The following RNF157 variants were observed in gnomAD, a reference collection of about 807,000 sequenced individuals.
RNF157 encodes E3 ubiquitin ligase RNF157.
Under a neutral mutation model 88.3 loss-of-function variants are expected in RNF157, and 55 were observed. That is an observed-to-expected ratio of 0.62 (90% confidence interval 0.50 to 0.78). The LOEUF (loss-of-function observed/expected upper bound fraction) is 0.78, where lower values mean the gene tolerates loss of function less well. RNF157 is among the 30% of genes least tolerant of loss of function. The probability of loss-of-function intolerance (pLI) is 0.00; values close to 1 mark genes in which losing one functional copy is unlikely to be tolerated. For synonymous variants in RNF157, 334 were observed against 341.2 expected (o/e 0.98, Z 0.23); for missense variants, 788 against 860.8 (o/e 0.92, Z 1.06).
intron 2 of RNF157, among the ~76,000 whole-genome samples, chr17:76,187,648 C>T (rs952556837): frequency 1.6e-4 from 24 of 151,950 alleles, no homozygotes; most frequent in African/African-American, 5.3e-4. Context: ...GGCTGGAGTG[C>T]AGTGTGGCAA....
chr17:76,167,409 G>A (rs2278824), intron 4 of RNF157, among the ~76,000 whole-genome samples: 48,937 of 152,014 alleles, frequency 0.32, 9,508 homozygotes, highest in African/African-American at 0.55. Flanking sequence ...CAATTTGAAG[G>A]GAAAAGGTAA....
chr17:76,194,048 A>T (rs1460580059), intron 2 of RNF157, among the ~76,000 whole-genome samples: 1 of 152,164 alleles, frequency 6.6e-6, no homozygotes, highest in Non-Finnish European at 1.5e-5. Flanking sequence ...TCCAAGGCAC[A>T]TTCTGTTTTT....
chr17:76,146,330 G>A lies in RNF157; in HGVS notation c.1922-977C>T, dbSNP rs923964424. ...CTGTGAGGACTAGATGAGAGAATGC[G>A]AGCGTTGGTGAGTATCTGACTCCTA... On this transcript the variant is annotated intron_variant, in intron 18 of 18. Transcript: ENST00000269391. This position sits in a 1 kb window ranked among gnomAD's most constrained non-coding sequence, Gnocchi z 4.2. 66 of 985,004 alleles carry A rather than the reference G, an allele frequency of 6.7e-5. No homozygotes were observed. Among genetic ancestry groups the A allele is most frequent in the Non-Finnish European group, 7.6e-5 (63 of 829,682 alleles). 61.0% of individuals were successfully genotyped at this position (985,004 alleles called of 1,614,324 possible).
At position 76,218,074 on chromosome 17, in the gene RNF157, G is replaced by GT. The variant is rs143860846; in HGVS notation, c.89-5593dup. On this transcript the variant is annotated intron_variant, in intron 1 of 18. Transcript: ENST00000269391. ...ACTATGATTAAATTTAACGTTATGT[G>GT]TTTTTTTGCCACAATAATAAACACA... 7.8e-3 allele frequency among the ~76,000 whole-genome samples: 1,183 copies of GT among 152,020 alleles called. 16 individuals carry two copies. Among genetic ancestry groups the GT allele is most frequent in the African/African-American group, 0.027 (1,119 of 41,474 alleles).
intron 2 of RNF157, among the ~76,000 whole-genome samples, chr17:76,177,961 C>T (rs528156177): frequency 8.5e-5 from 13 of 152,306 alleles, no homozygotes; most frequent in South Asian, 2.1e-4. Flanking sequence ...ACCCTGGCTG[C>T]GGAAAGAGCT....
rs373474778 is a variant in RNF157 at position 76,181,954 on chromosome 17, A to G, written c.208-8164T>C. 2.4e-4 allele frequency among the ~76,000 whole-genome samples: 36 copies of G among 152,154 alleles called. No homozygotes were observed. The East Asian group carries it at 5.8e-3, about 24-fold the overall frequency. On this transcript the variant is annotated intron_variant, in intron 2 of 18. Coordinates refer to ENST00000269391, the MANE Select transcript of RNF157 (RefSeq NM_052916.3). ...TAAATAAATAAATAATTTTCAAAAA[A>G]CAAAGACATTTACCCATTCATTCAG...
intron 2 of RNF157, among the ~76,000 whole-genome samples, chr17:76,205,605 G>A (rs570531334): frequency 6.6e-6 from 1 of 152,178 alleles, no homozygotes; most frequent in South Asian, 2.1e-4. Context: ...TGTGCCTGTA[G>A]TCCCAGCTAC....
rs2144830200 is a variant in RNF157, at chr17:76,159,531, G to A, written c.1108C>T (p.Leu370=). The change falls in exon 12 of 19, where the codon CTG becomes TTG. Residue 370 remains leucine (L), a synonymous_variant. Coordinates refer to ENST00000269391, the MANE Select transcript of RNF157 (RefSeq NM_052916.3). ...GTGAGGGGCCCGTTGAGGGCCTCCAGAAGAGATACTACTTCATAGCCTGGT... is the reference window on the plus strand; with the variant it reads ...GTGAGGGGCCCGTTGAGGGCCTCCAAAAGAGATACTACTTCATAGCCTGGT... ...IPPGYEVVSL[L]EALNGPLTPS... is the part of the protein sequence containing the mutation. 6.2e-7 allele frequency: 1 copy of A among 1,602,896 alleles called. No homozygotes were observed. Among genetic ancestry groups the A allele is most frequent in the East Asian group, 2.2e-5 (1 of 44,756 alleles).
chr17:76,180,672 G>A lies in RNF157; in HGVS notation c.208-6882C>T, dbSNP rs76348080. On this transcript the variant is annotated intron_variant, in intron 2 of 18. Coordinates refer to ENST00000269391, the MANE Select transcript of RNF157 (RefSeq NM_052916.3). ...ACTCTTGAGTTCAAGTGATCTTCTC[G>A]CCTCAGCTTCCCAAAGTGCGGGGAT... 4.7e-4 allele frequency among the ~76,000 whole-genome samples: 71 copies of A among 152,098 alleles called. No homozygotes were observed. The East Asian group carries it at 0.011, about 24-fold the overall frequency.
chr17:76,161,752 A>G lies in RNF157; in HGVS notation c.952+91T>C. The G allele has an allele frequency of 6.5e-7, 1 of 1,546,882 alleles. No individual in the cohort carries two copies. On this transcript the variant is annotated intron_variant, in intron 10 of 18. Transcript: ENST00000269391. The surrounding 1 kb of genome is among the most constrained non-coding windows in gnomAD (Gnocchi z 4.6). ...CCCTCCCAGCGCGCATCCGTTTGTCAGATCCAGCAGCAGCACATGCTTCAG... is the reference window on the plus strand; with the variant it reads ...CCCTCCCAGCGCGCATCCGTTTGTCGGATCCAGCAGCAGCACATGCTTCAG...
At chr17:76,226,435 G>A in intron 1 of RNF157, 1 of 1,598,028 alleles carries the variant, frequency 6.3e-7, no homozygotes, top group Non-Finnish European at 8.6e-7. Context: ...GGACTAGGGG[G>A]GCAAAGAGAT....
At chr17:76,218,237 G>C (rs1469756235) in intron 1 of RNF157, among the ~76,000 whole-genome samples, 1 of 152,176 alleles carries the variant, frequency 6.6e-6, no homozygotes, top group Non-Finnish European at 1.5e-5. Flanking sequence ...GAAAATCGGT[G>C]TCATCAGACT....
At chr17:76,149,312 A>G (rs946554169) in intron 18 of RNF157, among the ~76,000 whole-genome samples, 1 of 151,972 alleles carries the variant, frequency 6.6e-6, no homozygotes, top group Non-Finnish European at 1.5e-5. Context: ...ACAACATGGG[A>G]TGCAGCCCGG....
intron 1 of RNF157, among the ~76,000 whole-genome samples, chr17:76,227,119 T>G (rs2070105320): frequency 2.0e-5 from 3 of 147,712 alleles, no homozygotes; most frequent in African/African-American, 5.0e-5. Flanking sequence ...CTTTTTTTGT[T>G]TTTTTTTTTT....
intron 1 of RNF157, among the ~76,000 whole-genome samples, chr17:76,224,334 T>C (rs1335889151): frequency 3.3e-5 from 5 of 152,188 alleles, no homozygotes; most frequent in Non-Finnish European, 5.9e-5. Flanking sequence ...TGACATTTGT[T>C]AGCAAACCAC....
At position 76,191,677 on chromosome 17, in the gene RNF157, C is replaced by T. The variant is rs555212314; in HGVS notation, c.208-17887G>A. Reference sequence around the variant, plus strand: ...TAGTCCCAGCTCCTAGGAAGGCTGACGTGGGAGGACTGCTTGAGCCTGGGA... The same window carrying T: ...TAGTCCCAGCTCCTAGGAAGGCTGATGTGGGAGGACTGCTTGAGCCTGGGA... On this transcript the variant is annotated intron_variant, in intron 2 of 18. Coordinates refer to ENST00000269391, the MANE Select transcript of RNF157 (RefSeq NM_052916.3). 1.1e-4 allele frequency among the ~76,000 whole-genome samples: 16 copies of T among 150,644 alleles called. No homozygotes were observed. The East Asian group carries it at 2.9e-3, about 27-fold the overall frequency.
rs2069465385 is a variant in RNF157 at position 76,195,623 on chromosome 17, A to G, written c.207+16741T>C. 6.6e-6 allele frequency among the ~76,000 whole-genome samples: 1 copy of G among 152,234 alleles called. No individual in the cohort carries two copies. Among genetic ancestry groups the G allele is most frequent in the Non-Finnish European group, 1.5e-5 (1 of 68,042 alleles). On this transcript the variant is annotated intron_variant, in intron 2 of 18. Transcript: ENST00000269391. This position sits in a 1 kb window ranked among gnomAD's most constrained non-coding sequence, Gnocchi z 4.4. ...TAGCCAAAATGCCCCAAAAAAGCTC[A>G]ATGCCTGCAAACAATAGAGTGGATA...
At chr17:76,239,213 C>T (rs2070331791) in intron 1 of RNF157, among the ~76,000 whole-genome samples, 1 of 152,174 alleles carries the variant, frequency 6.6e-6, no homozygotes, top group East Asian at 1.9e-4. Context: ...AATAAAACTA[C>T]TTGCAATTAA....
intron 1 of RNF157, among the ~76,000 whole-genome samples, chr17:76,220,750 G>C (rs963770128): frequency 1.3e-5 from 2 of 152,090 alleles, no homozygotes; most frequent in African/African-American, 4.8e-5. Flanking sequence ...ACGAGGTCAG[G>C]AGTTTGACAC....
Sources: gnomAD v4.1 joint callset for allele counts (sites outside exome capture counted in the v4.1 genomes callset) on GRCh38, gnomAD v4.1.1 for gene constraint, Gnocchi (gnomAD v3.1) non-coding constraint, MANE v1.5 for transcripts, NCBI Gene and HGNC (gene_info 2026-07-23, HGNC 2026-07-21) for gene names.